The following TSPAN18 variants were observed in gnomAD, a reference collection of about 807,000 sequenced individuals.
TSPAN18 encodes the protein tetraspanin 18, also known as tetraspanin-18.
Under a neutral mutation model 27.3 loss-of-function variants are expected in TSPAN18, and 14 were observed. The observed-to-expected ratio is 0.51, with a 90% confidence interval of 0.34 to 0.80. TSPAN18 has a LOEUF of 0.80. TSPAN18 is among the 30% of genes least tolerant of loss of function. The pLI is 0.01. For synonymous variants in TSPAN18, 143 were observed against 136.5 expected (o/e 1.05, Z -0.33); for missense variants, 268 against 323.9 (o/e 0.83, Z 1.32).
chr11:44,800,006 G>GTTTTTTTTTTTTTT (rs60067559), intron 2 of TSPAN18, among the ~76,000 whole-genome samples: 16 of 109,370 alleles, frequency 1.5e-4, no homozygotes, highest in Admixed American at 3.1e-4. Flanking sequence ...AATTTTTTGT[G>GTTTTTTTTTTTTTT]TTTTTTTTTT....
intron 3 of TSPAN18, among the ~76,000 whole-genome samples, chr11:44,894,433 C>A (rs919408307): frequency 6.6e-6 from 1 of 152,222 alleles, no homozygotes; most frequent in Non-Finnish European, 1.5e-5. Flanking sequence ...CTTGTCCGGC[C>A]GCCTCCTTTC....
chr11:44,729,055 G>A (rs925530065), intron 1 of TSPAN18, among the ~76,000 whole-genome samples: 2 of 152,212 alleles, frequency 1.3e-5, no homozygotes, highest in Admixed American at 6.5e-5. Flanking sequence ...AAAGAGATGA[G>A]GTTCCTCTGT....
chr11:44,813,998 G>A (rs556355885), intron 2 of TSPAN18, among the ~76,000 whole-genome samples: 2 of 152,304 alleles, frequency 1.3e-5, no homozygotes, highest in South Asian at 4.1e-4. Context: ...ACTTTATAAA[G>A]CAGCAAAGCC....
chr11:44,745,855 G>C (rs1455712298), intron 1 of TSPAN18, among the ~76,000 whole-genome samples: 2 of 152,114 alleles, frequency 1.3e-5, no homozygotes, highest in Admixed American at 1.3e-4. Context: ...GTGAAACCCC[G>C]TCTCTACTAA....
At chr11:44,918,713 C>G (rs996324658) in intron 6 of TSPAN18, among the ~76,000 whole-genome samples, 1 of 152,082 alleles carries the variant, frequency 6.6e-6, no homozygotes, top group African/African-American at 2.4e-5. Context: ...TGCTGGGCAC[C>G]ACCCAGGGCC....
chr11:44,833,298 T>G (rs1301433328), intron 2 of TSPAN18, among the ~76,000 whole-genome samples: 1 of 152,146 alleles, frequency 6.6e-6, no homozygotes, highest in African/African-American at 2.4e-5. Flanking sequence ...TAAAGAGGAA[T>G]AATAAAATTG....
At chr11:44,865,224 G>A (rs1312410177) in intron 3 of TSPAN18, among the ~76,000 whole-genome samples, 6 of 152,190 alleles carry the variant, frequency 3.9e-5, no homozygotes, top group South Asian at 2.1e-4. Flanking sequence ...GCTTGCAAAC[G>A]CCAGCTCTGA....
intron 2 of TSPAN18, among the ~76,000 whole-genome samples, chr11:44,793,509 G>T (rs775522212): frequency 2.6e-4 from 40 of 152,158 alleles, no homozygotes; most frequent in Non-Finnish European, 4.7e-4. Context: ...AGGATGGTCG[G>T]TCATCCAGAG....
Position 44,922,976 on chromosome 11 carries a change from G to A in TSPAN18, c.615+2977G>A, listed in dbSNP as rs552624939. On this transcript the variant is annotated intron_variant, in intron 8 of 9. Coordinates refer to ENST00000520358, the MANE Select transcript of TSPAN18 (RefSeq NM_130783.5). ...ATACAAAAATTAGCCTGGCGTGGTG[G>A]CATGTGCCTATAATCCCAGCTACTT... 4.6e-5 allele frequency among the ~76,000 whole-genome samples: 7 copies of A among 152,324 alleles called. No homozygotes were observed. The East Asian group carries it at 1.4e-3, about 29-fold the overall frequency.
intron 3 of TSPAN18, among the ~76,000 whole-genome samples, chr11:44,870,485 T>C (rs1858164553): frequency 6.6e-6 from 1 of 152,104 alleles, no homozygotes; most frequent in East Asian, 1.9e-4. Context: ...TTTACTTCAG[T>C]GCAAGAAAGA....
intron 3 of TSPAN18, among the ~76,000 whole-genome samples, chr11:44,901,035 A>G (rs138201219): frequency 3.3e-5 from 5 of 152,282 alleles, no homozygotes; most frequent in South Asian, 2.1e-4. Flanking sequence ...CAGAGAAGGA[A>G]TTCAGTTGTA....
At chr11:44,823,371 G>A (rs563473588) in intron 2 of TSPAN18, among the ~76,000 whole-genome samples, 44 of 152,346 alleles carry the variant, frequency 2.9e-4, no homozygotes, top group East Asian at 9.7e-4. Context: ...GTGGAGAGGC[G>A]ATGCAGCGGG....
chr11:44,915,801 G>T (rs1859884263), intron 5 of TSPAN18, among the ~76,000 whole-genome samples: 1 of 152,212 alleles, frequency 6.6e-6, no homozygotes, highest in African/African-American at 2.4e-5. Context: ...CCCTTCTCCA[G>T]CTTCAGCTTC....
intron 3 of TSPAN18, among the ~76,000 whole-genome samples, chr11:44,883,018 T>G (rs1248204553): frequency 6.6e-6 from 1 of 152,184 alleles, no homozygotes; most frequent in East Asian, 1.9e-4. Flanking sequence ...CAGGGCAGCA[T>G]GAGTGTGCCC....
chr11:44,864,882 G>A (rs1017115284), intron 3 of TSPAN18, among the ~76,000 whole-genome samples: 1 of 152,164 alleles, frequency 6.6e-6, no homozygotes, highest in Admixed American at 6.5e-5. Flanking sequence ...TTTGCCTGGC[G>A]GTCTCCTTGT....
chr11:44,856,116 C>T (rs1487514130), intron 2 of TSPAN18, among the ~76,000 whole-genome samples: 1 of 152,038 alleles, frequency 6.6e-6, no homozygotes, highest in Non-Finnish European at 1.5e-5. Context: ...ATCTCCTAAC[C>T]TCATGATCTA....
At chr11:44,926,422 G>C (rs923610334) in intron 8 of TSPAN18, 1 of 515,448 alleles carries the variant, frequency 1.9e-6, no homozygotes, top group African/African-American at 1.9e-5. Context: ...CATTAGACAT[G>C]GCCTGCACGC....
chr11:44,867,818 A>G (rs903657121), intron 3 of TSPAN18, among the ~76,000 whole-genome samples: 1 of 152,196 alleles, frequency 6.6e-6, no homozygotes. Context: ...AGAAGCATTC[A>G]AGGAGCTACA....
chr11:44,912,642 G>C (rs1403458086), intron 5 of TSPAN18, among the ~76,000 whole-genome samples: 2 of 152,142 alleles, frequency 1.3e-5, no homozygotes, highest in Non-Finnish European at 2.9e-5. Context: ...TGGATTGTGT[G>C]CATACTCATG....
Sources: gnomAD v4.1 joint callset for allele counts (sites outside exome capture counted in the v4.1 genomes callset) on GRCh38, gnomAD v4.1.1 for gene constraint, MANE v1.5 for transcripts, NCBI Gene and HGNC (gene_info 2026-07-23, HGNC 2026-07-21) for gene names.